The following TMEM161B variants were observed in gnomAD, a reference collection of about 807,000 sequenced individuals.
TMEM161B encodes the protein transmembrane protein 161B.
TMEM161B carries 34 observed loss-of-function variants against 61.8 expected under a neutral mutation model. The ratio of observed to expected loss-of-function variants is 0.55; its 90% CI spans 0.42 to 0.73. The LOEUF is 0.73. TMEM161B is among the 30% of genes least tolerant of loss of function. The probability of loss-of-function intolerance (pLI) is 0.00; values close to 1 mark genes in which losing one functional copy is unlikely to be tolerated. For synonymous variants in TMEM161B, 167 were observed against 192.8 expected, an observed-to-expected ratio of 0.87 and a Z score of 1.11; for missense variants, 456 against 558.5, an observed-to-expected ratio of 0.82 and a Z score of 1.85.
At chr5:88,221,896 C>A in intron 4 of TMEM161B, 1 of 342,666 alleles carries the variant, frequency 2.9e-6, no homozygotes. Flanking sequence ...GATACGATAT[C>A]CTTATAGAAA....
rs1561312693 is a variant in TMEM161B at position 88,203,799 on chromosome 5, AT to A, written c.801-725del. On this transcript the variant is annotated intron_variant, in intron 8 of 11. Coordinates refer to ENST00000296595, the MANE Select transcript of TMEM161B (RefSeq NM_153354.5). ...TATATATATATATATATATATATATATATATATATATATATAATTTGCATTA... is the reference window on the plus strand; with the variant it reads ...TATATATATATATATATATATATATAATATATATATATATAATTTGCATTA... Among the ~76,000 whole-genome samples, 128 of 86,270 alleles carry A rather than the reference AT, an allele frequency of 1.5e-3. 10 individuals carry two copies. The highest frequency in any genetic ancestry group is 6.4e-3 in the African/African-American group (105 of 16,496). The allele number at this position is 86,270 out of a possible 152,430, so 56.6% of individuals were successfully genotyped here.
At chr5:88,200,760 T>G (rs1744239764) in intron 9 of TMEM161B, 1 of 152,086 alleles carries the variant, frequency 6.6e-6, no homozygotes, top group Non-Finnish European at 1.5e-5. Flanking sequence ...CTGATGCCAT[T>G]CTGAGCTTTC....
chr5:88,238,448 C>T (rs1199639134), intron 2 of TMEM161B, among the ~76,000 whole-genome samples: 1 of 151,860 alleles, frequency 6.6e-6, no homozygotes, highest in Non-Finnish European at 1.5e-5. Flanking sequence ...CATGATTAAT[C>T]TCTCATGTTA....
At chr5:88,204,388 C>A (rs1240356876) in intron 8 of TMEM161B, among the ~76,000 whole-genome samples, 1 of 152,136 alleles carries the variant, frequency 6.6e-6, no homozygotes, top group Non-Finnish European at 1.5e-5. Flanking sequence ...AAAAAGGACA[C>A]TAAAATGTGC....
intron 9 of TMEM161B, 110 bp from the exon 10 acceptor site, chr5:88,199,260 AG>A (rs1750270687): frequency 1.9e-6 from 2 of 1,030,614 alleles, no homozygotes; most frequent in Non-Finnish European, 2.7e-6. Context: ...ACTTCGCAAC[AG>A]TTAGACACAT....
chr5:88,201,695 TTAGTAG>T (rs1682303572), intron 9 of TMEM161B: 1 of 152,270 alleles, frequency 6.6e-6, no homozygotes, highest in Non-Finnish European at 1.5e-5. Flanking sequence ...AAGATATGAA[TTAGTAG>T]TTTCTCTGAG....
At chr5:88,230,636 T>C (rs1055012743) in intron 2 of TMEM161B, among the ~76,000 whole-genome samples, 105 of 152,160 alleles carry the variant, frequency 6.9e-4, no homozygotes, top group African/African-American at 2.3e-3. Context: ...AATTCTTTCA[T>C]CCCTTGGTGC....
downstream of TMEM161B, among the ~76,000 whole-genome samples, chr5:88,187,790 C>A (rs1301064263): frequency 1.3e-5 from 2 of 151,860 alleles, no homozygotes; most frequent in Non-Finnish European, 2.9e-5. Context: ...CTCTATTATA[C>A]ATTTGTGTAG....
downstream of TMEM161B, among the ~76,000 whole-genome samples, chr5:88,192,024 A>AG (rs1748996042): frequency 1.9e-5 from 1 of 51,518 alleles, no homozygotes; most frequent in African/African-American, 9.4e-5. Flanking sequence ...ATATATATAT[A>AG]TATGTATATA....
chr5:88,265,432 T>G (rs1345240665), intron 1 of TMEM161B, among the ~76,000 whole-genome samples: 1 of 152,150 alleles, frequency 6.6e-6, no homozygotes, highest in Non-Finnish European at 1.5e-5. Context: ...CTCAGGTCCC[T>G]CACATGCACA....
downstream of TMEM161B, among the ~76,000 whole-genome samples, chr5:88,187,030 T>C (rs1748395278): frequency 6.6e-6 from 1 of 152,256 alleles, no homozygotes; most frequent in African/African-American, 2.4e-5. Flanking sequence ...CTTGAATTGA[T>C]TCTTGTGTAA....
chr5:88,210,344 C>T (rs1354903862), intron 5 of TMEM161B, among the ~76,000 whole-genome samples: 1 of 151,896 alleles, frequency 6.6e-6, no homozygotes, highest in Non-Finnish European at 1.5e-5. Flanking sequence ...GATAATGATA[C>T]CATTCCTGAT....
chr5:88,263,556 G>GAGTC (rs1447310088), intron 1 of TMEM161B, among the ~76,000 whole-genome samples: 1 of 152,140 alleles, frequency 6.6e-6, no homozygotes, highest in Non-Finnish European at 1.5e-5. Flanking sequence ...GGTATACAAA[G>GAGTC]AGTTTACACT....
rs369513702 is a variant in TMEM161B at position 88,230,079 on chromosome 5, G to A, written c.108-1551C>T. The stretch of plus-strand genomic sequence containing the variant: ...TGGTGGCATGCACCTGTGGTCGGGG[G>A]AGAGGGTGAGGTGGGAGGACTGCTT... On this transcript the variant is annotated intron_variant, in intron 2 of 11. Transcript: ENST00000296595. 1.2e-3 allele frequency among the ~76,000 whole-genome samples: 176 copies of A among 152,100 alleles called. 1 individual carries two copies. Among genetic ancestry groups the A allele is most frequent in the African/African-American group, 4.0e-3 (165 of 41,510 alleles).
chr5:88,231,816 G>A lies in TMEM161B; in HGVS notation c.108-3288C>T, dbSNP rs114245987. Among the ~76,000 whole-genome samples, 623 of 152,260 alleles carry A rather than the reference G, an allele frequency of 4.1e-3. 4 individuals carry two copies. Among genetic ancestry groups the A allele is most frequent in the Admixed American group, 0.011 (162 of 15,294 alleles). On this transcript the variant is annotated intron_variant, in intron 2 of 11. Coordinates refer to ENST00000296595, the MANE Select transcript of TMEM161B (RefSeq NM_153354.5). ...GGGAAATACAGGGTTAGGTTCCTGC[G>A]AGCCTCTGGTCATAACATTTTCATA... is the stretch of plus-strand genomic sequence containing the variant.
intron 2 of TMEM161B, among the ~76,000 whole-genome samples, chr5:88,237,952 G>A (rs1209286572): frequency 6.6e-6 from 1 of 152,022 alleles, no homozygotes; most frequent in Non-Finnish European, 1.5e-5. Flanking sequence ...TTGTCCCCAG[G>A]TATCTGAGGG....
Position 88,197,780 on chromosome 5 carries a change from ATTC to A in TMEM161B, c.1090-18_1090-16del. ...ACTCGAGCCACCTGCAACCAACAAC[ATTC>A]TTAAGTGTCTAATGCAACTGACATG... On this transcript the variant is annotated splice_polypyrimidine_tract_variant and intron_variant, in intron 10 of 11. Coordinates refer to ENST00000296595, the MANE Select transcript of TMEM161B (RefSeq NM_153354.5). 2 of 1,606,916 alleles carry A rather than the reference ATTC, an allele frequency of 1.2e-6. No individual in the cohort carries two copies. Among genetic ancestry groups the A allele is most frequent in the Non-Finnish European group, 1.7e-6 (2 of 1,175,188 alleles).
chr5:88,236,304 G>A (rs1299499544), intron 2 of TMEM161B, among the ~76,000 whole-genome samples: 2 of 152,030 alleles, frequency 1.3e-5, no homozygotes, highest in Non-Finnish European at 2.9e-5. Flanking sequence ...TTTGAACTGA[G>A]CAATTAGAAA....
intron 1 of TMEM161B, among the ~76,000 whole-genome samples, chr5:88,242,938 A>G (rs1468543942): frequency 1.3e-5 from 2 of 151,826 alleles, no homozygotes; most frequent in Non-Finnish European, 2.9e-5. Context: ...GAACTCACCA[A>G]AAAGAGCTAA....
Sources: allele counts gnomAD v4.1 joint callset (sites outside exome capture counted in the v4.1 genomes callset), GRCh38; gene constraint gnomAD v4.1.1; transcripts MANE v1.5; gene names NCBI Gene and HGNC (gene_info 2026-07-23, HGNC 2026-07-21).